The following NTRK3 variants were observed in gnomAD, a reference collection of about 807,000 sequenced individuals.
NTRK3 encodes the protein neurotrophic receptor tyrosine kinase 3.
Under a neutral mutation model 91.7 loss-of-function variants are expected in NTRK3, and 24 were observed. The observed-to-expected ratio is 0.26, with a 90% confidence interval of 0.19 to 0.37. NTRK3 has a LOEUF of 0.37. Ranked by LOEUF, NTRK3 falls within the 10% of genes least tolerant of loss-of-function variation. NTRK3 has a pLI of 1.00. For missense variants in NTRK3, 880 were observed against 1,068.9 expected, an observed-to-expected ratio of 0.82 and a Z score of 2.46; for synonymous variants, 483 against 404.0, an observed-to-expected ratio of 1.20 and a Z score of -2.34.
chr15:87,975,691 G>A (rs141008196), intron 14 of NTRK3, among the ~76,000 whole-genome samples: 125 of 152,234 alleles, frequency 8.2e-4, no homozygotes, highest in African/African-American at 2.7e-3. Flanking sequence ...CATGGAAAAC[G>A]GAGGCCTAGA....
intron 3 of NTRK3, among the ~76,000 whole-genome samples, chr15:88,189,969 A>G (rs572165187): frequency 1.3e-4 from 20 of 152,228 alleles, no homozygotes; most frequent in Admixed American, 1.3e-3. Context: ...ATTGTAGAAC[A>G]CAAAGACGCC....
At chr15:88,170,476 G>A (rs2045402362) in intron 5 of NTRK3, among the ~76,000 whole-genome samples, 1 of 152,198 alleles carries the variant, frequency 6.6e-6, no homozygotes. Flanking sequence ...CAGGTTCTAT[G>A]TTTGTCAAAG....
chr15:87,957,766 T>G (rs1165154635), intron 14 of NTRK3, among the ~76,000 whole-genome samples: 1 of 152,208 alleles, frequency 6.6e-6, no homozygotes, highest in Non-Finnish European at 1.5e-5. Flanking sequence ...ACTGAATCAT[T>G]TTAAGCTTCT....
exon 19 of NTRK3, chr15:87,876,684 T>C (rs368719378): frequency 9.2e-6 from 2 of 218,420 alleles, no homozygotes; most frequent in Non-Finnish European, 1.8e-5. Flanking sequence ...TAACTCTCTG[T>C]AGATATAGAT....
intron 14 of NTRK3, among the ~76,000 whole-genome samples, chr15:87,956,249 G>C (rs546439020): frequency 2.0e-5 from 3 of 152,288 alleles, no homozygotes; most frequent in Non-Finnish European, 2.9e-5. Context: ...GTTACTCCAG[G>C]TACGTACAAA....
chr15:88,011,186 G>A (rs574523915), intron 14 of NTRK3, among the ~76,000 whole-genome samples: 1 of 152,124 alleles, frequency 6.6e-6, no homozygotes, highest in Non-Finnish European at 1.5e-5. Context: ...GAGCTCCTGA[G>A]TGTCCCCAGA....
At chr15:88,227,048 C>T (rs935464588) in intron 3 of NTRK3, among the ~76,000 whole-genome samples, 1 of 152,184 alleles carries the variant, frequency 6.6e-6, no homozygotes, top group African/African-American at 2.4e-5. Flanking sequence ...TTATCCAAAA[C>T]CCAGCATAAA....
intron 5 of NTRK3, among the ~76,000 whole-genome samples, chr15:88,168,567 C>A (rs1235413078): frequency 1.3e-5 from 2 of 152,248 alleles, no homozygotes; most frequent in African/African-American, 4.8e-5. Context: ...TTTGCAAACA[C>A]CACCCTTGCT....
chr15:88,125,990 T>C (rs1340729564), intron 13 of NTRK3, among the ~76,000 whole-genome samples: 1 of 152,198 alleles, frequency 6.6e-6, no homozygotes, highest in Middle Eastern at 3.2e-3. Flanking sequence ...TCCAACTTCC[T>C]TTCCAAATTA....
chr15:88,196,617 C>T (rs1042772365), intron 3 of NTRK3, among the ~76,000 whole-genome samples: 2 of 152,222 alleles, frequency 1.3e-5, no homozygotes, highest in South Asian at 4.1e-4. Context: ...ATTTAAGGAG[C>T]TGGAGCAGTA....
At chr15:88,056,709 G>A (rs1402234494) in intron 13 of NTRK3, among the ~76,000 whole-genome samples, 1 of 152,210 alleles carries the variant, frequency 6.6e-6, no homozygotes, top group African/African-American at 2.4e-5. Context: ...AGGCAAGATA[G>A]CCTGTCCGGA....
chr15:87,980,858 A>G (rs933603090), intron 14 of NTRK3, among the ~76,000 whole-genome samples: 1 of 152,096 alleles, frequency 6.6e-6, no homozygotes, highest in Non-Finnish European at 1.5e-5. Flanking sequence ...AAGGTGAGAC[A>G]TTTCTGAGAC....
intron 17 of NTRK3, among the ~76,000 whole-genome samples, chr15:87,902,883 T>G (rs966789244): frequency 9.2e-5 from 14 of 152,108 alleles, no homozygotes; most frequent in Admixed American, 2.0e-4. Context: ...GAAACTACGA[T>G]AAGCCTCCTC....
chr15:88,178,057 G>T (rs2046154998), intron 5 of NTRK3, among the ~76,000 whole-genome samples: 1 of 152,166 alleles, frequency 6.6e-6, no homozygotes, highest in South Asian at 2.1e-4. Context: ...CAGCTATCCA[G>T]CATTTCATGG....
intron 13 of NTRK3, among the ~76,000 whole-genome samples, chr15:88,105,304 G>A (rs1313875559): frequency 6.6e-6 from 1 of 152,134 alleles, no homozygotes; most frequent in Admixed American, 6.5e-5. Context: ...TGTCAGAGAT[G>A]ACTCTCCAGA....
chr15:88,012,665 C>CTAAA (rs1567226807), intron 14 of NTRK3, among the ~76,000 whole-genome samples: 1 of 152,136 alleles, frequency 6.6e-6, no homozygotes, highest in Admixed American at 6.5e-5. Context: ...TAAATGTTTA[C>CTAAA]TAAATAAATA....
intron 14 of NTRK3, among the ~76,000 whole-genome samples, chr15:88,025,282 T>G (rs543267545): frequency 6.6e-6 from 1 of 152,190 alleles, no homozygotes; most frequent in Non-Finnish European, 1.5e-5. Context: ...TGCAAATGAG[T>G]TAAAAACTTA....
rs1314456272 is a variant in NTRK3 at position 88,143,289 on chromosome 15, C to T, written c.464+4046G>A. ...AAGACAAAGAGACAGGGATGGCAGG[C>T]ACGTGAGATGGAGTCAGAGGTTGAA... On this transcript the variant is annotated intron_variant, in intron 6 of 18. Transcript: ENST00000394480. Among the ~76,000 whole-genome samples the T allele has an allele frequency of 2.8e-4, 42 of 152,130 alleles. 2 individuals are homozygous for T. The highest frequency in any genetic ancestry group is 1.5e-5 in the Non-Finnish European group (1 of 68,024).
chr15:88,042,048 C>G (rs1461310668), intron 13 of NTRK3, among the ~76,000 whole-genome samples: 1 of 151,994 alleles, frequency 6.6e-6, no homozygotes, highest in Non-Finnish European at 1.5e-5. Flanking sequence ...AGCAAACAAG[C>G]CAACCTTTGG....
Sources: gnomAD v4.1 joint callset for allele counts (sites outside exome capture counted in the v4.1 genomes callset) on GRCh38, gnomAD v4.1.1 for gene constraint, MANE v1.5 for transcripts, NCBI Gene and HGNC (gene_info 2026-07-23, HGNC 2026-07-21) for gene names.